PTPRN2: variants seen among roughly 807,000 people sequenced by gnomAD.
The protein encoded by PTPRN2 is receptor-type tyrosine-protein phosphatase N2.
PTPRN2 carries 74 observed loss-of-function variants against 118.8 expected under a neutral mutation model. The ratio of observed to expected loss-of-function variants is 0.62; its 90% CI spans 0.52 to 0.76. The LOEUF (loss-of-function observed/expected upper bound fraction) is 0.76. PTPRN2 is among the 30% of genes least tolerant of loss of function. PTPRN2 has a pLI of 0.00. For missense variants in PTPRN2, 1,481 were observed against 1,394.4 expected, an observed-to-expected ratio of 1.06 and a Z score of -0.99; for synonymous variants, 641 against 608.0, an observed-to-expected ratio of 1.05 and a Z score of -0.80.
chr7:158,200,368 G>A (rs1826540421), intron 4 of PTPRN2, among the ~76,000 whole-genome samples: 1 of 152,206 alleles, frequency 6.6e-6, no homozygotes, highest in African/African-American at 2.4e-5. Context: ...GGACGCCGAG[G>A]ACGAGCTGAC....
chr7:158,409,780 G>A (rs1813891634), intron 2 of PTPRN2, among the ~76,000 whole-genome samples: 1 of 152,194 alleles, frequency 6.6e-6, no homozygotes, highest in Non-Finnish European at 1.5e-5. Flanking sequence ...CACAGAGCAT[G>A]CCGACATTCA....
At chr7:157,843,538 T>C (rs1808583911) in intron 12 of PTPRN2, among the ~76,000 whole-genome samples, 1 of 152,216 alleles carries the variant, frequency 6.6e-6, no homozygotes, top group African/African-American at 2.4e-5. Flanking sequence ...GGTCCCCTCC[T>C]TCCAGACCCA....
Position 157,576,624 on chromosome 7 carries a change from C to T in PTPRN2, c.2772G>A (p.Leu924=). Residue 924 remains leucine (L), a synonymous_variant, in exon 19 of 23, where the codon CTG becomes CTA. Transcript: ENST00000389418. The part of the protein sequence containing the change: ...RGVPSSSRSL[L]DFRRKVNKCY... ...GCCGCGCGTCATACCTGCGGAAGTC[C>T]AGGAGGGACCTTGAGGAGGAAGGGA... is the stretch of plus-strand genomic sequence containing the variant. 1.2e-6 allele frequency: 2 copies of T among 1,611,748 alleles called. No homozygotes were observed. The highest frequency in any genetic ancestry group is 1.1e-5 in the South Asian group (1 of 90,542).
rs561755642 is a variant in PTPRN2 at position 158,134,134 on chromosome 7, C to T, written c.1174-75G>A. ...GTGACACATGCAATCAAGGGCTGCCCGGGACAGAGTCACTGTGGGGATGAC... is the reference window on the plus strand; with the variant it reads ...GTGACACATGCAATCAAGGGCTGCCTGGGACAGAGTCACTGTGGGGATGAC... On this transcript the variant is annotated intron_variant, in intron 8 of 22. Coordinates refer to ENST00000389418, the MANE Select transcript of PTPRN2 (RefSeq NM_002847.5). The T allele has an allele frequency of 2.9e-5, 43 of 1,502,306 alleles. No homozygotes were observed. In the East Asian group the frequency reaches 3.9e-4, roughly 14 times the overall value. The allele number at this position is 1,502,306 out of a possible 1,614,324, so 93.1% of individuals were successfully genotyped here.
intron 3 of PTPRN2, among the ~76,000 whole-genome samples, chr7:158,285,883 G>A (rs1039265481): frequency 1.4e-4 from 21 of 152,102 alleles, no homozygotes; most frequent in Non-Finnish European, 2.5e-4. Context: ...GGACACCAAA[G>A]GTTTCACAGA....
At chr7:157,982,533 A>T (rs1305563666) in intron 11 of PTPRN2, among the ~76,000 whole-genome samples, 2 of 123,988 alleles carry the variant, frequency 1.6e-5, no homozygotes, top group Non-Finnish European at 1.7e-5. Context: ...CATAGAGACG[A>T]GGAGGGGAAT....
chr7:157,891,159 C>A (rs1439373190), intron 12 of PTPRN2, among the ~76,000 whole-genome samples: 1 of 152,158 alleles, frequency 6.6e-6, no homozygotes, highest in Non-Finnish European at 1.5e-5. Context: ...GGTGCATGGC[C>A]ATGTCGAGCC....
At position 157,929,755 on chromosome 7, in the gene PTPRN2, T is replaced by A. The variant is rs1002257088; in HGVS notation, c.1724-31018A>T. On this transcript the variant is annotated intron_variant, in intron 11 of 22. Transcript: ENST00000389418. The surrounding 1 kb of genome is among the most constrained non-coding windows in gnomAD (Gnocchi z 4.4). The stretch of plus-strand genomic sequence containing the variant: ...GAGGAGCTCTGTGCTGCTGTTGAGA[T>A]GAATGGTGCCAGAAGGGAGTCTTTC... Among the ~76,000 whole-genome samples, 3 of 152,246 alleles carry A rather than the reference T, an allele frequency of 2.0e-5. No homozygotes were observed. The highest frequency in any genetic ancestry group is 2.0e-4 in the Admixed American group (3 of 15,302).
chr7:157,835,426 G>A (rs1807862553), intron 12 of PTPRN2, among the ~76,000 whole-genome samples: 1 of 152,216 alleles, frequency 6.6e-6, no homozygotes, highest in South Asian at 2.1e-4. Flanking sequence ...GAGCAGAACT[G>A]ACTACAGTTC....
intron 2 of PTPRN2, among the ~76,000 whole-genome samples, chr7:158,372,305 C>CAG (rs1810093111): frequency 6.7e-6 from 1 of 148,772 alleles, no homozygotes; most frequent in African/African-American, 2.5e-5. Context: ...GCTGGTCCCC[C>CAG]CAACGCTGGT....
chr7:158,184,204 G>A (rs1361354276), intron 5 of PTPRN2, among the ~76,000 whole-genome samples: 1 of 151,940 alleles, frequency 6.6e-6, no homozygotes, highest in Non-Finnish European at 1.5e-5. Context: ...TACCAATTTG[G>A]AGGTAATTTC....
chr7:157,815,853 C>G (rs1024944096), intron 12 of PTPRN2, among the ~76,000 whole-genome samples: 1 of 152,214 alleles, frequency 6.6e-6, no homozygotes, highest in Non-Finnish European at 1.5e-5. Context: ...ACTCTGCACA[C>G]GCTCAGGCGG....
chr7:158,523,705 GTCT>G (rs1824477028), intron 1 of PTPRN2, among the ~76,000 whole-genome samples: 2 of 70,792 alleles, frequency 2.8e-5, no homozygotes, highest in Admixed American at 1.5e-4. Context: ...GAGTGGAGTC[GTCT>G]GCCCTGGAGT....
Position 158,015,042 on chromosome 7 carries a change from GTCTC to G in PTPRN2, c.1723+66252_1723+66255del, listed in dbSNP as rs1367692886. Among the ~76,000 whole-genome samples the G allele has an allele frequency of 1.3e-5, 2 of 152,124 alleles. No homozygotes were observed. Among genetic ancestry groups the G allele is most frequent in the East Asian group, 3.8e-4 (2 of 5,198 alleles). ...CTTTTCCCTTTTTGCTCTCTCATTT[GTCTC>G]TCTTTTTCTTCCCTTGTATCTTGCA... On this transcript the variant is annotated intron_variant, in intron 11 of 22. Coordinates refer to ENST00000389418, the MANE Select transcript of PTPRN2 (RefSeq NM_002847.5). This position sits in a 1 kb window ranked among gnomAD's most constrained non-coding sequence, Gnocchi z 4.2.
intron 2 of PTPRN2, among the ~76,000 whole-genome samples, chr7:158,407,263 G>GGTCCTGCGTCCTGCGTCCTGGGTCCTGC (rs1813611101): frequency 3.4e-5 from 1 of 29,312 alleles, no homozygotes; most frequent in African/African-American, 1.7e-4. Context: ...CTGGGTCCTG[G>GGTCCTGCGTCCTGCGTCCTGGGTCCTGC]GTCCTGGGTC....
intron 1 of PTPRN2, among the ~76,000 whole-genome samples, chr7:158,537,139 G>A (rs967171115): frequency 6.6e-6 from 1 of 152,300 alleles, no homozygotes; most frequent in Admixed American, 6.5e-5. Context: ...CAGACACCAA[G>A]TCTGCTGGCA....
chr7:157,745,325 G>A (rs1800856822), intron 12 of PTPRN2, among the ~76,000 whole-genome samples: 1 of 152,264 alleles, frequency 6.6e-6, no homozygotes, highest in African/African-American at 2.4e-5. Flanking sequence ...GCACGGACTC[G>A]TCCACCCTCT....
intron 6 of PTPRN2, among the ~76,000 whole-genome samples, chr7:158,160,982 T>A (rs1822307065): frequency 6.6e-6 from 1 of 152,230 alleles, no homozygotes; most frequent in South Asian, 2.1e-4. Flanking sequence ...AGAATTACAT[T>A]TTTGGGATTT....
intron 12 of PTPRN2, among the ~76,000 whole-genome samples, chr7:157,684,402 G>A (rs1258936671): frequency 7.1e-6 from 1 of 141,714 alleles, no homozygotes; most frequent in Non-Finnish European, 1.6e-5. Context: ...GGAAAGGGGG[G>A]AGAGGGAGAG....
Sources: allele counts gnomAD v4.1 joint callset (sites outside exome capture counted in the v4.1 genomes callset), GRCh38; gene constraint gnomAD v4.1.1; non-coding constraint Gnocchi (gnomAD v3.1); transcripts MANE v1.5; gene names NCBI Gene and HGNC (gene_info 2026-07-23, HGNC 2026-07-21).